Variants in ALCAM observed in about 807,000 individuals in gnomAD.
ALCAM encodes activated leukocyte cell adhesion molecule.
Under a neutral mutation model 70.9 loss-of-function variants are expected in ALCAM, and 30 were observed. The ratio of observed to expected loss-of-function variants is 0.42; its 90% CI spans 0.32 to 0.57. The LOEUF is 0.57. ALCAM is among the 20% of genes least tolerant of loss of function. The pLI is 0.11. For missense variants in ALCAM, 591 were observed against 695.1 expected (o/e 0.85, Z 1.68); for synonymous variants, 249 against 242.5 (o/e 1.03, Z -0.25).
chr3:105,443,317 T>G (rs898362317), intron 1 of ALCAM, among the ~76,000 whole-genome samples: 3 of 152,212 alleles, frequency 2.0e-5, no homozygotes, highest in African/African-American at 7.2e-5. Flanking sequence ...CTCCCCAGCT[T>G]TCTCCAGATC....
chr3:105,494,981 T>A (rs1938696351), intron 1 of ALCAM, among the ~76,000 whole-genome samples: 1 of 152,136 alleles, frequency 6.6e-6, no homozygotes, highest in South Asian at 2.1e-4. Flanking sequence ...TCTTTACTCT[T>A]ATGATGCCCC....
chr3:105,412,351 TGATA>T (rs1296708177), intron 1 of ALCAM, among the ~76,000 whole-genome samples: 2 of 152,094 alleles, frequency 1.3e-5, no homozygotes, highest in Non-Finnish European at 2.9e-5. Flanking sequence ...TGAACTGATA[TGATA>T]GATAATACTT....
intron 1 of ALCAM, among the ~76,000 whole-genome samples, chr3:105,415,959 T>A (rs1936497128): frequency 1.3e-5 from 2 of 152,182 alleles, no homozygotes; most frequent in African/African-American, 4.8e-5. Flanking sequence ...TCTCTATAAT[T>A]TAAGGCAACC....
At chr3:105,402,064 C>A (rs543264506) in intron 1 of ALCAM, among the ~76,000 whole-genome samples, 1 of 150,242 alleles carries the variant, frequency 6.7e-6, no homozygotes, top group African/African-American at 2.4e-5. Context: ...ATAGAAATAA[C>A]AATCATGAAG....
At chr3:105,517,416 G>A (rs980167146) in intron 1 of ALCAM, among the ~76,000 whole-genome samples, 2 of 151,802 alleles carry the variant, frequency 1.3e-5, no homozygotes, top group South Asian at 2.1e-4. Flanking sequence ...CTTTGTGTTC[G>A]TCCTGCTCTT....
intron 14 of ALCAM, among the ~76,000 whole-genome samples, chr3:105,563,957 G>C (rs995538413): frequency 6.6e-6 from 1 of 151,666 alleles, no homozygotes; most frequent in Non-Finnish European, 1.5e-5. Flanking sequence ...AAAGTGCTGG[G>C]ACTACAGGCG....
intron 14 of ALCAM, among the ~76,000 whole-genome samples, chr3:105,560,564 T>G (rs1351438769): frequency 6.6e-6 from 1 of 152,192 alleles, no homozygotes; most frequent in Non-Finnish European, 1.5e-5. Flanking sequence ...CAATTTTTCC[T>G]ATTATGTTCG....
chr3:105,549,193 G>A (rs1940331707), intron 11 of ALCAM, among the ~76,000 whole-genome samples: 1 of 151,420 alleles, frequency 6.6e-6, no homozygotes, highest in African/African-American at 2.4e-5. Flanking sequence ...TGGGTGATAT[G>A]TTATTTTTCT....
intron 1 of ALCAM, among the ~76,000 whole-genome samples, chr3:105,430,466 G>A (rs1936901998): frequency 6.6e-6 from 1 of 151,958 alleles, no homozygotes; most frequent in Non-Finnish European, 1.5e-5. Flanking sequence ...ATTTGAAATT[G>A]TCTGACATTT....
chr3:105,445,413 A>G (rs1937271855), intron 1 of ALCAM, among the ~76,000 whole-genome samples: 1 of 152,202 alleles, frequency 6.6e-6, no homozygotes, highest in Non-Finnish European at 1.5e-5. Flanking sequence ...ATTCAAAACA[A>G]TCTACAGATT....
rs769615645 is a variant in ALCAM, at chr3:105,540,511, C to T, written c.858+409C>T. On this transcript the variant is annotated intron_variant, in intron 7 of 15. Transcript: ENST00000306107. ...CAGAAGTAGGGATAGTTCTGTTGCA[C>T]GTTATATTTAGGATAATGCTATGGC... is the stretch of plus-strand genomic sequence containing the variant. Among the ~76,000 whole-genome samples, 4 of 151,864 alleles carry T rather than the reference C, an allele frequency of 2.6e-5. No individual in the cohort carries two copies. The East Asian group carries it at 7.8e-4, about 29-fold the overall frequency.
chr3:105,460,151 G>A (rs552399250), intron 1 of ALCAM, among the ~76,000 whole-genome samples: 1 of 151,980 alleles, frequency 6.6e-6, no homozygotes, highest in Non-Finnish European at 1.5e-5. Flanking sequence ...GATTGTGCAT[G>A]CAGAAAGGTT....
chr3:105,540,979 C>T (rs988144229), intron 7 of ALCAM, among the ~76,000 whole-genome samples: 6 of 151,950 alleles, frequency 3.9e-5, no homozygotes, highest in Non-Finnish European at 8.8e-5. Context: ...AATTAGGTTT[C>T]TGCTTTGGCT....
At chr3:105,445,013 T>C (rs1024552512) in intron 1 of ALCAM, among the ~76,000 whole-genome samples, 6 of 152,198 alleles carry the variant, frequency 3.9e-5, no homozygotes, top group African/African-American at 1.4e-4. Flanking sequence ...ATTATTTAAG[T>C]GAACTTCATT....
intron 14 of ALCAM, among the ~76,000 whole-genome samples, chr3:105,557,187 C>G (rs1940537893): frequency 6.6e-6 from 1 of 152,260 alleles, no homozygotes; most frequent in Non-Finnish European, 1.5e-5. Context: ...CAGCCTCTCT[C>G]TCCACTTGTA....
intron 1 of ALCAM, among the ~76,000 whole-genome samples, chr3:105,517,132 T>C (rs909727921): frequency 1.3e-5 from 2 of 152,082 alleles, no homozygotes; most frequent in South Asian, 2.1e-4. Flanking sequence ...CCATGGTCTT[T>C]GTAGCGACTT....
chr3:105,568,132 G>A (rs557422374), intron 14 of ALCAM, among the ~76,000 whole-genome samples: 6 of 146,018 alleles, frequency 4.1e-5, no homozygotes, highest in South Asian at 2.1e-4. Flanking sequence ...ACAATATCTC[G>A]GCTCACTGCA....
intron 1 of ALCAM, among the ~76,000 whole-genome samples, chr3:105,405,580 A>G (rs1936207980): frequency 6.6e-6 from 1 of 152,174 alleles, no homozygotes; most frequent in Admixed American, 6.5e-5. Flanking sequence ...AGAACATTCT[A>G]CCCAACAACT....
At chr3:105,445,681 C>T (rs768473691) in intron 1 of ALCAM, among the ~76,000 whole-genome samples, 7 of 152,080 alleles carry the variant, frequency 4.6e-5, no homozygotes, top group Non-Finnish European at 1.0e-4. Flanking sequence ...AATTCATGCA[C>T]TTATAGCCAA....
Sources: allele counts gnomAD v4.1 joint callset (sites outside exome capture counted in the v4.1 genomes callset), GRCh38; gene constraint gnomAD v4.1.1; transcripts MANE v1.5; gene names NCBI Gene and HGNC (gene_info 2026-07-23, HGNC 2026-07-21).